Variants in GALK2 observed in about 807,000 individuals in gnomAD.
GALK2 encodes the protein N-acetylgalactosamine kinase.
In GALK2, 36 loss-of-function variants were observed where a neutral mutation model predicts 52.4. The observed-to-expected ratio is 0.69, with a 90% CI of 0.53 to 0.91. The LOEUF (loss-of-function observed/expected upper bound fraction) is 0.91. Among genes scored for constraint, GALK2 ranks in the 40% least tolerant of loss-of-function variants. The pLI is 0.00. For synonymous variants in GALK2, 176 were observed against 199.1 expected, an observed-to-expected ratio of 0.88 and a Z score of 0.98; for missense variants, 579 against 559.1, an observed-to-expected ratio of 1.04 and a Z score of -0.36.
rs546063320 is a variant in GALK2, at chr15:49,279,293, ATAAT to A, written c.505-2689_505-2686del. 1.0e-3 allele frequency among the ~76,000 whole-genome samples: 155 copies of A among 152,378 alleles called. 5 individuals carry two copies. The South Asian group carries it at 0.028, about 27-fold the overall frequency. ...AATAGAATATGAATACATGGAAAAA[ATAAT>A]TAATAAGCATAAATTTCTCAAACTT... On this transcript the variant is annotated intron_variant, in intron 5 of 9. Transcript: ENST00000560031.
downstream of GALK2, among the ~76,000 whole-genome samples, chr15:49,336,278 G>C (rs1009168036): frequency 6.6e-6 from 1 of 152,216 alleles, no homozygotes; most frequent in Non-Finnish European, 1.5e-5. Context: ...GGATTCCTCT[G>C]TCCTGTCTGT....
At chr15:49,335,540 T>C (rs1304746963), downstream of GALK2, 1 of 1,485,700 alleles carries the variant, frequency 6.7e-7, no homozygotes, top group South Asian at 1.1e-5. Context: ...TTAGGAACAT[T>C]TGGGAAGTAA....
At chr15:49,295,742 C>A (rs1429440692) in intron 8 of GALK2, among the ~76,000 whole-genome samples, 1 of 152,098 alleles carries the variant, frequency 6.6e-6, no homozygotes, top group Non-Finnish European at 1.5e-5. Context: ...ATCCTAAATA[C>A]CACTGTGCTT....
At chr15:49,217,639 C>T (rs2089488190) in intron 3 of GALK2, among the ~76,000 whole-genome samples, 1 of 152,150 alleles carries the variant, frequency 6.6e-6, no homozygotes, top group Non-Finnish European at 1.5e-5. Flanking sequence ...TGATGTTTTC[C>T]TATGTTACTA....
At chr15:49,349,858 A>G (rs1473479072) in intron 3 of GALK2, among the ~76,000 whole-genome samples, 1 of 152,178 alleles carries the variant, frequency 6.6e-6, no homozygotes, top group Non-Finnish European at 1.5e-5. Context: ...ACGATAAAAA[A>G]CAAAACAAAA....
intron 3 of GALK2, among the ~76,000 whole-genome samples, chr15:49,220,088 T>C (rs2089684461): frequency 8.0e-6 from 1 of 125,588 alleles, no homozygotes; most frequent in East Asian, 2.1e-4. Context: ...TGAGACAGAG[T>C]CTTGTTCTGT....
intron 2 of GALK2, among the ~76,000 whole-genome samples, chr15:49,213,213 T>C (rs1381419515): frequency 2.0e-5 from 3 of 152,276 alleles, no homozygotes; most frequent in Non-Finnish European, 4.4e-5. Flanking sequence ...TATATCCTGT[T>C]GCTGAACTGA....
intron 2 of GALK2, among the ~76,000 whole-genome samples, chr15:49,216,770 T>C (rs2089413180): frequency 6.6e-6 from 1 of 152,170 alleles, no homozygotes; most frequent in Non-Finnish European, 1.5e-5. Context: ...GTTTTGTGTT[T>C]TTCTGTAACA....
intron 3 of GALK2, among the ~76,000 whole-genome samples, chr15:49,231,795 C>T (rs1312528790): frequency 7.9e-5 from 12 of 152,170 alleles, no homozygotes; most frequent in Non-Finnish European, 4.4e-5. Context: ...CCTTTGATTC[C>T]ACATCTCACT....
At chr15:49,160,013 C>T (rs114912645) in intron 1 of GALK2, among the ~76,000 whole-genome samples, 257 of 152,204 alleles carry the variant, frequency 1.7e-3, no homozygotes, top group African/African-American at 6.0e-3. Flanking sequence ...GTGGCTCGTG[C>T]TTGTAAACCC....
At chr15:49,335,278 GA>G, downstream of GALK2, 1 of 591,962 alleles carries the variant, frequency 1.7e-6, no homozygotes. Flanking sequence ...ACACTTACCT[GA>G]AAAGAATCTC....
chr15:49,295,692 A>T (rs1293440392), intron 8 of GALK2, among the ~76,000 whole-genome samples: 1 of 152,104 alleles, frequency 6.6e-6, no homozygotes, highest in African/African-American at 2.4e-5. Context: ...GGACCATTCC[A>T]CTTACTAATT....
intron 1 of GALK2, among the ~76,000 whole-genome samples, chr15:49,162,113 C>T (rs2084672171): frequency 6.6e-6 from 1 of 152,190 alleles, no homozygotes; most frequent in African/African-American, 2.4e-5. Context: ...GCAAAATTTC[C>T]TCTCAGATTC....
chr15:49,230,203 G>T (rs1170336986), intron 3 of GALK2, among the ~76,000 whole-genome samples: 1 of 152,140 alleles, frequency 6.6e-6, no homozygotes, highest in Non-Finnish European at 1.5e-5. Context: ...AGTTGCTTAA[G>T]ACTTGGGGGT....
At chr15:49,323,910 AAAT>A (rs1370816854) in intron 9 of GALK2, among the ~76,000 whole-genome samples, 1 of 152,264 alleles carries the variant, frequency 6.6e-6, no homozygotes, top group Non-Finnish European at 1.5e-5. Context: ...GAAACAAAGT[AAAT>A]AATGAAGGAA....
At chr15:49,215,324 C>G (rs974117950) in intron 2 of GALK2, among the ~76,000 whole-genome samples, 1 of 152,202 alleles carries the variant, frequency 6.6e-6, no homozygotes, top group East Asian at 1.9e-4. Flanking sequence ...CTACCCTGAT[C>G]TCTCTATCTC....
intron 8 of GALK2, among the ~76,000 whole-genome samples, chr15:49,316,951 A>G (rs2036470337): frequency 1.3e-5 from 2 of 152,180 alleles, no homozygotes; most frequent in African/African-American, 4.8e-5. Context: ...TAGTCTATAC[A>G]GGTCAGCCTT....
At chr15:49,197,649 T>C (rs962846911) in intron 1 of GALK2, among the ~76,000 whole-genome samples, 4 of 152,188 alleles carry the variant, frequency 2.6e-5, no homozygotes, top group African/African-American at 9.6e-5. Context: ...TTTCCACTTA[T>C]AACGTCATGT....
chr15:49,340,787 TTTTG>T (rs1240908203), intron 3 of GALK2, among the ~76,000 whole-genome samples: 14 of 152,208 alleles, frequency 9.2e-5, no homozygotes, highest in Non-Finnish European at 1.8e-4. Flanking sequence ...ACTTGTCAAT[TTTTG>T]TTTTTGTTGC....
Sources: allele counts gnomAD v4.1 joint callset (sites outside exome capture counted in the v4.1 genomes callset), GRCh38; gene constraint gnomAD v4.1.1; transcripts MANE v1.5; gene names NCBI Gene and HGNC (gene_info 2026-07-23, HGNC 2026-07-21).